Variants in CEP112 observed in about 807,000 individuals in gnomAD.
The protein encoded by CEP112 is centrosomal protein of 112 kDa.
A neutral mutation model predicts 153.0 loss-of-function variants in CEP112; 127 were observed. That is an observed-to-expected ratio of 0.83 (90% CI 0.72 to 0.96). CEP112 has a LOEUF of 0.96. CEP112 is among the 40% of genes least tolerant of loss of function. The probability of loss-of-function intolerance (pLI) is 0.00; values close to 1 mark genes in which losing one functional copy is unlikely to be tolerated. For synonymous variants in CEP112, 358 were observed against 374.4 expected, an observed-to-expected ratio of 0.96 and a Z score of 0.51; for missense variants, 1,089 against 1,101.2, an observed-to-expected ratio of 0.99 and a Z score of 0.16.
chr17:66,063,673 G>A (rs2067008746), intron 10 of CEP112, among the ~76,000 whole-genome samples: 2 of 152,040 alleles, frequency 1.3e-5, no homozygotes, highest in South Asian at 2.1e-4. Context: ...TAAGTAAAGA[G>A]GCCTTTCACT....
At chr17:65,669,358 G>A (rs544226686) in intron 24 of CEP112, among the ~76,000 whole-genome samples, 4 of 152,300 alleles carry the variant, frequency 2.6e-5, no homozygotes, top group African/African-American at 9.6e-5. Flanking sequence ...TGAGAAGCAT[G>A]TGTTACCACA....
chr17:65,826,910 T>G (rs536295636), intron 21 of CEP112, among the ~76,000 whole-genome samples: 4 of 152,090 alleles, frequency 2.6e-5, no homozygotes, highest in African/African-American at 4.8e-5. Context: ...GAGATTAACA[T>G]TTGAGTCAGT....
chr17:65,738,652 T>C (rs2050941965), intron 23 of CEP112, among the ~76,000 whole-genome samples: 1 of 152,190 alleles, frequency 6.6e-6, no homozygotes, highest in Admixed American at 6.5e-5. Flanking sequence ...CATTTTAAAT[T>C]ATTTATAAAT....
intron 20 of CEP112, among the ~76,000 whole-genome samples, chr17:65,883,023 T>C (rs1041096800): frequency 2.8e-4 from 43 of 152,188 alleles, no homozygotes; most frequent in Non-Finnish European, 7.3e-5. Context: ...GGTCACAGTC[T>C]GTACTAGGAA....
intron 4 of CEP112, among the ~76,000 whole-genome samples, chr17:66,156,930 T>C (rs2071467766): frequency 6.6e-6 from 1 of 152,042 alleles, no homozygotes; most frequent in Non-Finnish European, 1.5e-5. Flanking sequence ...ACGGGGAGAA[T>C]GGAACCAAGT....
At chr17:66,038,777 C>T (rs1405381259) in intron 12 of CEP112, among the ~76,000 whole-genome samples, 1 of 152,100 alleles carries the variant, frequency 6.6e-6, no homozygotes, top group East Asian at 1.9e-4. Context: ...GGTTGGACTT[C>T]GTGAACTGAT....
At chr17:65,804,607 G>GA (rs1362386060) in intron 21 of CEP112, among the ~76,000 whole-genome samples, 2 of 152,016 alleles carry the variant, frequency 1.3e-5, no homozygotes, top group African/African-American at 4.8e-5. Flanking sequence ...GAAACTGAAT[G>GA]AAAAAATTAC....
intron 18 of CEP112, among the ~76,000 whole-genome samples, chr17:65,937,570 G>GGT (rs2061371581): frequency 9.1e-6 from 1 of 110,450 alleles, no homozygotes; most frequent in African/African-American, 3.2e-5. Flanking sequence ...GGGAGGTGGG[G>GGT]GGGGTCAGCC....
intron 6 of CEP112, among the ~76,000 whole-genome samples, chr17:66,126,674 G>GA (rs2069866334): frequency 6.6e-6 from 1 of 151,954 alleles, no homozygotes; most frequent in Non-Finnish European, 1.5e-5. Flanking sequence ...TGTATTCCTA[G>GA]AAAAAATACT....
intron 19 of CEP112, among the ~76,000 whole-genome samples, chr17:65,926,853 G>T (rs1335242553): frequency 6.6e-6 from 1 of 152,054 alleles, no homozygotes; most frequent in African/African-American, 2.4e-5. Context: ...CTCATGCCAG[G>T]GACAGCACCT....
intron 24 of CEP112, among the ~76,000 whole-genome samples, chr17:65,644,930 C>A (rs957114587): frequency 6.6e-6 from 1 of 151,996 alleles, no homozygotes; most frequent in African/African-American, 2.4e-5. Context: ...ATATAACTTT[C>A]TTTTTCTGCT....
At chr17:65,909,583 A>T (rs1374654454) in intron 19 of CEP112, among the ~76,000 whole-genome samples, 2 of 152,256 alleles carry the variant, frequency 1.3e-5, no homozygotes, top group Admixed American at 1.3e-4. Context: ...CCATATTCCA[A>T]GAGAAACCAA....
chr17:66,021,773 C>G (rs1294799316), intron 16 of CEP112, among the ~76,000 whole-genome samples: 1 of 152,178 alleles, frequency 6.6e-6, no homozygotes, highest in East Asian at 1.9e-4. Context: ...CTTGCCCAGT[C>G]CAGCTCTGCC....
At chr17:65,640,154 A>ATATATATAT (rs1300751452) in intron 25 of CEP112, among the ~76,000 whole-genome samples, 33 of 78,342 alleles carry the variant, frequency 4.2e-4, no homozygotes, top group African/African-American at 2.1e-3. Context: ...ATATATATAT[A>ATATATATAT]TTTTTTTTTT....
At chr17:65,784,173 A>G (rs2054148884) in intron 21 of CEP112, among the ~76,000 whole-genome samples, 1 of 152,222 alleles carries the variant, frequency 6.6e-6, no homozygotes, top group Admixed American at 6.5e-5. Flanking sequence ...CAAAAGGAGA[A>G]TTTGGTAGAC....
intron 23 of CEP112, among the ~76,000 whole-genome samples, chr17:65,727,773 G>A (rs1425825590): frequency 2.6e-5 from 4 of 152,128 alleles, no homozygotes; most frequent in African/African-American, 9.7e-5. Context: ...ATAGGACCCA[G>A]CTAGGAATCA....
At chr17:66,001,890 G>A (rs1471552415) in intron 17 of CEP112, among the ~76,000 whole-genome samples, 1 of 151,994 alleles carries the variant, frequency 6.6e-6, no homozygotes, top group African/African-American at 2.4e-5. Context: ...AAATGAACAT[G>A]TACAACTCAC....
chr17:66,076,140 C>T (rs1395405879), intron 8 of CEP112, among the ~76,000 whole-genome samples: 1 of 152,152 alleles, frequency 6.6e-6, no homozygotes, highest in Non-Finnish European at 1.5e-5. Context: ...GGGGGAAATA[C>T]CACAGAGAGA....
chr17:65,943,652 T>C (rs1176302193), intron 18 of CEP112, among the ~76,000 whole-genome samples: 1 of 152,154 alleles, frequency 6.6e-6, no homozygotes, highest in Non-Finnish European at 1.5e-5. Flanking sequence ...TTTTTTCCCT[T>C]CATTTCTACC....
Sources: allele counts gnomAD v4.1 joint callset (sites outside exome capture counted in the v4.1 genomes callset), GRCh38; gene constraint gnomAD v4.1.1; transcripts MANE v1.5; gene names NCBI Gene and HGNC (gene_info 2026-07-23, HGNC 2026-07-21).